The following TOMM20L variants were observed in gnomAD, a reference collection of about 807,000 sequenced individuals.
TOMM20L encodes TOMM20-like protein 1.
Under a neutral mutation model 20.4 loss-of-function variants are expected in TOMM20L, and 19 were observed. The observed-to-expected ratio is 0.93, with a 90% confidence interval of 0.65 to 1.36. The LOEUF is 1.36. TOMM20L is among the 40% of genes most tolerant of loss of function. TOMM20L has a pLI of 0.00. For missense variants in TOMM20L, 218 were observed against 203.7 expected (o/e 1.07, Z -0.43); for synonymous variants, 75 against 79.6 (o/e 0.94, Z 0.30).
intron 4 of TOMM20L, among the ~76,000 whole-genome samples, chr14:58,408,211 G>A (rs1420718170): frequency 6.6e-6 from 1 of 152,144 alleles, no homozygotes; most frequent in Non-Finnish European, 1.5e-5. Flanking sequence ...GAGGTCAGAA[G>A]TTCGAGACCA....
intron 4 of TOMM20L, 109 bp downstream of exon 4, chr14:58,407,577 A>ATT (rs2036080838): frequency 8.0e-7 from 1 of 1,246,172 alleles, no homozygotes; most frequent in African/African-American, 1.6e-5. Context: ...AAAATCTTAA[A>ATT]TAAGTGAAAT....
At chr14:58,411,798 A>G (rs1041785794), downstream of TOMM20L, 6 of 1,000,426 alleles carry the variant, frequency 6.0e-6, no homozygotes, top group African/African-American at 4.8e-5. Flanking sequence ...GGGCCTCCCA[A>G]CGTGCTGGGA....
intron 4 of TOMM20L, among the ~76,000 whole-genome samples, chr14:58,407,739 T>C (rs2036083685): frequency 6.6e-6 from 1 of 152,236 alleles, no homozygotes; most frequent in Non-Finnish European, 1.5e-5. Flanking sequence ...ATACAAAACA[T>C]AGAAATCACT....
rs2140306492 is a variant in TOMM20L at position 58,407,431 on chromosome 14, T to C, written c.368T>C (p.Phe123Ser). The C allele has an allele frequency of 6.2e-7, 1 of 1,613,206 alleles. No homozygotes were observed. The highest frequency in any genetic ancestry group is 8.5e-7 in the Non-Finnish European group (1 of 1,179,788). The change falls in exon 4 of 5, where the codon TTT becomes TCT. Residue 123 changes from phenylalanine to serine, a missense_variant. By Grantham distance (155) the Phe-to-Ser change is radical. Transcript: ENST00000360945. ...AAACACACTCTCCCTCCCAAGGTAT[T>C]TGAGATGCTGTTGCACAAAATTCCC... The part of the protein sequence containing the change: ...VFKHTLPPKV[F>S]EMLLHKIPLI...
chr14:58,399,908 A>ATATAT (rs2035971833), intron 2 of TOMM20L, among the ~76,000 whole-genome samples: 1 of 133,566 alleles, frequency 7.5e-6, no homozygotes, highest in Non-Finnish European at 1.6e-5. Flanking sequence ...ATATATATAT[A>ATATAT]TATATATATA....
intron 2 of TOMM20L, among the ~76,000 whole-genome samples, chr14:58,397,504 C>T (rs941825648): frequency 1.3e-5 from 2 of 152,140 alleles, no homozygotes; most frequent in Non-Finnish European, 2.9e-5. Flanking sequence ...GCAGTTTTTC[C>T]GGAGAAGACT....
chr14:58,396,307 C>A lies in TOMM20L; in HGVS notation c.146C>A (p.Ala49Glu). The A allele has an allele frequency of 1.2e-6, 2 of 1,613,302 alleles. No homozygotes were observed. The highest frequency in any genetic ancestry group is 2.2e-5 in the South Asian group (2 of 91,030). The change falls in exon 2 of 5, where the codon GCA becomes GAA. Residue 49 changes from alanine to glutamate, a missense_variant. Coordinates refer to ENST00000360945, the MANE Select transcript of TOMM20L (RefSeq NM_207377.3). ...CGTGTTGTGTTCGCAGAAAGAAGAG[C>A]AGAGCCTCAAAAGGCTGAGGAGCAG... ...FKRRLRDKRR[A>E]EPQKAEEQGT... is the part of the protein sequence containing the mutation.
At chr14:58,411,903 T>C (rs773930247), downstream of TOMM20L, 1 of 1,613,668 alleles carries the variant, frequency 6.2e-7, no homozygotes, top group Non-Finnish European at 8.5e-7. Context: ...TTAGAATACC[T>C]TACCTGTTTT....
chr14:58,398,973 A>G (rs1331743942), intron 2 of TOMM20L: 1 of 151,926 alleles, frequency 6.6e-6, no homozygotes, highest in East Asian at 1.9e-4. Flanking sequence ...TGCAGCCTCA[A>G]CCCTTTTGGG....
chr14:58,408,632 C>T lies in TOMM20L; in HGVS notation c.*50C>T, dbSNP rs1566744879. 2.0e-6 allele frequency: 3 copies of T among 1,523,938 alleles called. No individual in the cohort carries two copies. The highest frequency in any genetic ancestry group is 2.3e-5 in the East Asian group (1 of 43,892). 94.4% of individuals were successfully genotyped at this position (1,523,938 alleles called of 1,614,324 possible). On this transcript the variant is annotated 3_prime_UTR_variant, in exon 5 of 5. Coordinates refer to ENST00000360945, the MANE Select transcript of TOMM20L (RefSeq NM_207377.3). ...CCAGTGAGAATACTATGGTACCATACAGTATAAACAACTGCTCAGTGATAT... is the reference window on the plus strand; with the variant it reads ...CCAGTGAGAATACTATGGTACCATATAGTATAAACAACTGCTCAGTGATAT...
At chr14:58,404,392 G>A (rs1481311264) in intron 3 of TOMM20L, among the ~76,000 whole-genome samples, 1 of 150,910 alleles carries the variant, frequency 6.6e-6, no homozygotes, top group African/African-American at 2.4e-5. Context: ...GCCTCCCAAA[G>A]TGCTGGGATT....
chr14:58,408,578 A>T lies in TOMM20L; in HGVS notation c.455A>T (p.Asp152Val), dbSNP rs1196883058. The stretch of plus-strand genomic sequence containing the variant: ...CAGGACTGCTTGGAGGATGATCCTG[A>T]TTGAAAAACATTTCAACGTATCCAC... ...NEQDCLEDDP[D>V] The change falls in exon 5 of 5, where the codon GAT becomes GTT. Residue 152 changes from aspartate to valine, a missense_variant. Physicochemically the swap from Asp to Val is radical, Grantham distance 152. Transcript: ENST00000360945. 1.2e-6 allele frequency: 2 copies of T among 1,613,826 alleles called. No homozygotes were observed. Among genetic ancestry groups the T allele is most frequent in the Non-Finnish European group, 1.7e-6 (2 of 1,179,900 alleles).
At chr14:58,404,120 T>TATATATATATATA (rs1255379682) in intron 3 of TOMM20L, among the ~76,000 whole-genome samples, 6 of 3,402 alleles carry the variant, frequency 1.8e-3, no homozygotes, top group Non-Finnish European at 3.0e-3. Context: ...TATATATATA[T>TATATATATATATA]TTTTTTTTTT....
At chr14:58,414,982 G>C in the TOMM20L span, among the ~76,000 whole-genome samples, 1 of 152,074 alleles carries the variant, frequency 6.6e-6, no homozygotes. Flanking sequence ...ACTGCCTCAT[G>C]ACAATTAGGC....
chr14:58,416,507 G>A, the TOMM20L span, among the ~76,000 whole-genome samples: 4 of 152,140 alleles, frequency 2.6e-5, no homozygotes, highest in African/African-American at 7.2e-5. Flanking sequence ...CTAAGAAAAT[G>A]TGTTACCAGC....
downstream of TOMM20L, among the ~76,000 whole-genome samples, chr14:58,410,345 G>A (rs1166764972): frequency 3.3e-5 from 5 of 152,128 alleles, no homozygotes; most frequent in South Asian, 2.1e-4. Flanking sequence ...AATGTGCTGG[G>A]AGTTCAAAGT....
chr14:58,402,612 AT>A lies in TOMM20L; in HGVS notation c.181-67del. The A allele has an allele frequency of 8.7e-6, 11 of 1,257,256 alleles. No homozygotes were observed. In the South Asian group the frequency reaches 8.8e-5, roughly 10 times the overall value. 77.9% of individuals were successfully genotyped at this position (1,257,256 alleles called of 1,614,324 possible). On this transcript the variant is annotated intron_variant, in intron 2 of 4. Transcript: ENST00000360945. ...CCAAGATGTCCTTTTTAAATAAAAA[AT>A]AATTTGATCAGTAGCCATATACCTT...
chr14:58,396,148 C>T (rs749038905), intron 1 of TOMM20L, 55 bp downstream of exon 1: 22 of 1,278,370 alleles, frequency 1.7e-5, no homozygotes, highest in Non-Finnish European at 2.2e-5. Context: ...GGCGGGCTGC[C>T]GGCCGGGAGG....
At chr14:58,397,050 G>A (rs1417160773) in intron 2 of TOMM20L, among the ~76,000 whole-genome samples, 4 of 152,192 alleles carry the variant, frequency 2.6e-5, no homozygotes, top group South Asian at 2.1e-4. Flanking sequence ...GGGCGACAGA[G>A]CAAGACACTG....
Sources: gnomAD v4.1 joint callset for allele counts (sites outside exome capture counted in the v4.1 genomes callset) on GRCh38, gnomAD v4.1.1 for gene constraint, MANE v1.5 for transcripts, NCBI Gene and HGNC (gene_info 2026-07-23, HGNC 2026-07-21) for gene names.